The following RSPO3 variants were observed in gnomAD, a reference collection of about 807,000 sequenced individuals.
The protein encoded by RSPO3 is R-spondin 3.
Under a neutral mutation model 36.5 loss-of-function variants are expected in RSPO3, and 17 were observed. The ratio of observed to expected loss-of-function variants is 0.47; its 90% CI spans 0.32 to 0.70. RSPO3 has a LOEUF of 0.70. Ranked by LOEUF, RSPO3 falls within the 30% of genes least tolerant of loss-of-function variation. The pLI, the probability that RSPO3 is intolerant of heterozygous loss-of-function variation, is 0.04. For missense variants in RSPO3, 294 were observed against 322.5 expected (o/e 0.91, Z 0.68); for synonymous variants, 108 against 107.0 (o/e 1.01, Z -0.06).
intron 4 of RSPO3, among the ~76,000 whole-genome samples, chr6:127,187,808 C>G (rs1369444831): frequency 3.9e-5 from 6 of 151,968 alleles, no homozygotes; most frequent in Non-Finnish European, 8.8e-5. Flanking sequence ...AATGCAAAAT[C>G]TAAAATATTT....
At chr6:127,153,079 A>T (rs919914179) in intron 3 of RSPO3, among the ~76,000 whole-genome samples, 1 of 152,108 alleles carries the variant, frequency 6.6e-6, no homozygotes, top group Non-Finnish European at 1.5e-5. Flanking sequence ...TGCACTGATG[A>T]TCAACCACAG....
intron 4 of RSPO3, among the ~76,000 whole-genome samples, chr6:127,188,288 A>G (rs1311852309): frequency 1.3e-5 from 2 of 152,220 alleles, no homozygotes; most frequent in Non-Finnish European, 2.9e-5. Flanking sequence ...TTAATTAGGC[A>G]AAAGAGAGTT....
Position 127,180,368 on chromosome 6 carries a change from G to A in RSPO3, c.635-15455G>A, listed in dbSNP as rs1410676011. ...CCTTCTAAACCATGCCAAGAACTTT[G>A]GGAGTACAGGCACTGGGCAGATTTA... On this transcript the variant is annotated intron_variant, in intron 4 of 4. Coordinates refer to ENST00000356698, the MANE Select transcript of RSPO3 (RefSeq NM_032784.5). Among the ~76,000 whole-genome samples, 4 of 151,258 alleles carry A rather than the reference G, an allele frequency of 2.6e-5. No individual in the cohort carries two copies. In the South Asian group the frequency reaches 8.3e-4, roughly 31 times the overall value.
chr6:127,173,209 A>T (rs911686483), intron 4 of RSPO3, among the ~76,000 whole-genome samples: 1 of 151,866 alleles, frequency 6.6e-6, no homozygotes, highest in Admixed American at 6.6e-5. Context: ...TCAAATAACA[A>T]ACTTAACTAT....
intron 4 of RSPO3, among the ~76,000 whole-genome samples, chr6:127,159,798 G>A (rs1304137175): frequency 2.7e-4 from 41 of 151,652 alleles, no homozygotes; most frequent in Non-Finnish European, 8.8e-5. Context: ...ACAGGCACAC[G>A]CTGCCACACC....
chr6:127,168,856 A>C (rs1332596448), intron 4 of RSPO3, among the ~76,000 whole-genome samples: 4 of 152,084 alleles, frequency 2.6e-5, no homozygotes, highest in Non-Finnish European at 5.9e-5. Context: ...TAAATAGGGA[A>C]TCCTTTCCCC....
intron 4 of RSPO3, among the ~76,000 whole-genome samples, chr6:127,173,161 A>G (rs1439601607): frequency 6.6e-6 from 1 of 151,812 alleles, no homozygotes; most frequent in African/African-American, 2.4e-5. Flanking sequence ...TTTACCACCA[A>G]ATCTGCTTCA....
At chr6:127,195,228 G>A (rs1303724355) in intron 4 of RSPO3, among the ~76,000 whole-genome samples, 1 of 152,094 alleles carries the variant, frequency 6.6e-6, no homozygotes, top group Non-Finnish European at 1.5e-5. Flanking sequence ...GAGTACAGTG[G>A]CGCTATCAGG....
intron 4 of RSPO3, among the ~76,000 whole-genome samples, chr6:127,188,549 T>C (rs1024819900): frequency 6.6e-6 from 1 of 151,928 alleles, no homozygotes; most frequent in Non-Finnish European, 1.5e-5. Flanking sequence ...TGGAAAATTA[T>C]TTCTAAATTA....
chr6:127,136,427 C>T (rs1454692491), intron 1 of RSPO3, among the ~76,000 whole-genome samples: 1 of 152,196 alleles, frequency 6.6e-6, no homozygotes, highest in Admixed American at 6.5e-5. Context: ...TATCCATTTC[C>T]TCATCAAACA....
At chr6:127,150,067 C>G (rs937406059) in intron 2 of RSPO3, among the ~76,000 whole-genome samples, 2 of 151,876 alleles carry the variant, frequency 1.3e-5, no homozygotes, top group African/African-American at 4.8e-5. Flanking sequence ...AAGAACAACA[C>G]AAAGATAATA....
intron 1 of RSPO3, 69 bp from the exon 2 acceptor site, chr6:127,148,579 G>A: frequency 7.6e-7 from 1 of 1,317,712 alleles, no homozygotes; most frequent in Non-Finnish European, 1.1e-6. Flanking sequence ...CATATATCCT[G>A]CCCAGAAAAT....
intron 1 of RSPO3, among the ~76,000 whole-genome samples, chr6:127,122,871 G>A (rs1010198671): frequency 3.3e-5 from 5 of 151,898 alleles, no homozygotes; most frequent in African/African-American, 9.7e-5. Flanking sequence ...GTGCCAGAAG[G>A]TTATTGTTAG....
At chr6:127,131,016 G>A (rs1562240493) in intron 1 of RSPO3, among the ~76,000 whole-genome samples, 1 of 152,052 alleles carries the variant, frequency 6.6e-6, no homozygotes. Flanking sequence ...TAAAAGGACA[G>A]TCTTTCTTTC....
At chr6:127,187,566 C>A (rs1176502916) in intron 4 of RSPO3, among the ~76,000 whole-genome samples, 1 of 151,966 alleles carries the variant, frequency 6.6e-6, no homozygotes, top group Non-Finnish European at 1.5e-5. Context: ...TTATTTAAAA[C>A]CCAAGATCTA....
intron 4 of RSPO3, among the ~76,000 whole-genome samples, chr6:127,156,726 A>C (rs1774603750): frequency 6.6e-6 from 1 of 152,188 alleles, no homozygotes; most frequent in Non-Finnish European, 1.5e-5. Flanking sequence ...GTGAAGGTAC[A>C]CCAGAGTCCA....
At chr6:127,161,743 T>C (rs942351818) in intron 4 of RSPO3, among the ~76,000 whole-genome samples, 2 of 152,156 alleles carry the variant, frequency 1.3e-5, no homozygotes, top group Admixed American at 6.6e-5. Flanking sequence ...CTTAGTGATA[T>C]TTATAAATAT....
Position 127,155,270 on chromosome 6 carries a change from T to C in RSPO3, c.466T>C (p.Trp156Arg). 1 of 1,613,828 alleles carries C rather than the reference T, an allele frequency of 6.2e-7. No individual in the cohort carries two copies. The highest frequency in any genetic ancestry group is 8.5e-7 in the Non-Finnish European group (1 of 1,179,850). Residue 156 changes from tryptophan (W) to arginine (R), a missense_variant, in exon 4 of 5, where the codon TGG becomes CGG. By Grantham distance (101) the Trp-to-Arg change is moderately radical. Coordinates refer to ENST00000356698, the MANE Select transcript of RSPO3 (RefSeq NM_032784.5). Reference sequence around the variant, plus strand: ...CTGTGAGGTCAGTGAATGGAATCCTTGGAGTCCATGCACGAAGAAGGGAAA... The same window carrying C: ...CTGTGAGGTCAGTGAATGGAATCCTCGGAGTCCATGCACGAAGAAGGGAAA... The part of the protein sequence containing the change: ...VHCEVSEWNP[W>R]SPCTKKGKTC...
chr6:127,127,251 C>G (rs922850574), intron 1 of RSPO3, among the ~76,000 whole-genome samples: 2 of 152,038 alleles, frequency 1.3e-5, no homozygotes, highest in East Asian at 1.9e-4. Context: ...AAACAGCAGT[C>G]CTTTCTCATT....
Sources: allele counts gnomAD v4.1 joint callset (sites outside exome capture counted in the v4.1 genomes callset), GRCh38; gene constraint gnomAD v4.1.1; transcripts MANE v1.5; gene names NCBI Gene and HGNC (gene_info 2026-07-23, HGNC 2026-07-21).